MICAL2: variants seen among roughly 807,000 people sequenced by gnomAD.
MICAL2 encodes [F-actin]-monooxygenase MICAL2.
A neutral mutation model predicts 127.3 loss-of-function variants in MICAL2; 77 were observed. That is an observed-to-expected ratio of 0.60 (90% confidence interval 0.50 to 0.73). The LOEUF (loss-of-function observed/expected upper bound fraction) is 0.73, where lower values mean the gene tolerates loss of function less well. Ranked by LOEUF, MICAL2 falls within the 30% of genes least tolerant of loss-of-function variation. MICAL2 has a pLI of 0.00. For missense variants in MICAL2, 1,351 were observed against 1,434.4 expected (o/e 0.94, Z 0.94); for synonymous variants, 570 against 551.1 (o/e 1.03, Z -0.48).
chr11:12,280,422 G>A (rs773414242), intron 1 of MICAL2, among the ~76,000 whole-genome samples: 1 of 152,214 alleles, frequency 6.6e-6, no homozygotes, highest in Non-Finnish European at 1.5e-5. Context: ...CACAGACTGG[G>A]TGGCTGAAAC....
chr11:12,238,835 C>A (rs927762118), intron 16 of MICAL2, among the ~76,000 whole-genome samples: 1 of 152,152 alleles, frequency 6.6e-6, no homozygotes, highest in Non-Finnish European at 1.5e-5. Context: ...ATCTTTGCAA[C>A]TTTTGTGTAA....
chr11:12,204,988 T>C (rs1321939155), intron 4 of MICAL2, among the ~76,000 whole-genome samples: 1 of 152,132 alleles, frequency 6.6e-6, no homozygotes, highest in East Asian at 1.9e-4. Flanking sequence ...TGGGGAGCCA[T>C]GGCAGGTTTT....
intron 7 of MICAL2, among the ~76,000 whole-genome samples, chr11:12,215,553 G>A (rs888938882): frequency 5.9e-5 from 9 of 152,220 alleles, no homozygotes; most frequent in African/African-American, 2.2e-4. Context: ...TGCATTGCTA[G>A]TATGTCCTCA....
At chr11:12,262,352 T>G in intron 26 of MICAL2, 128 bp from the exon 27 acceptor site, 1 of 1,540,750 alleles carries the variant, frequency 6.5e-7, no homozygotes, top group Non-Finnish European at 8.7e-7. Flanking sequence ...GAAGTTTCCC[T>G]CTTTCAATCG....
At chr11:12,322,689 C>T (rs943623347) in intron 30 of MICAL2, among the ~76,000 whole-genome samples, 2 of 152,056 alleles carry the variant, frequency 1.3e-5, no homozygotes, top group African/African-American at 2.4e-5. Context: ...CCAATTTGAA[C>T]ATTTATTTTG....
chr11:12,154,320 C>T (rs1438846555), intron 2 of MICAL2, among the ~76,000 whole-genome samples: 1 of 152,108 alleles, frequency 6.6e-6, no homozygotes, highest in Non-Finnish European at 1.5e-5. Flanking sequence ...CTGAGTTCCA[C>T]CAAGACCTGA....
chr11:12,205,962 A>G (rs910249081), intron 4 of MICAL2, among the ~76,000 whole-genome samples: 19 of 152,188 alleles, frequency 1.2e-4, no homozygotes, highest in African/African-American at 4.6e-4. Flanking sequence ...GGCGGGAACA[A>G]CTGGAGAGAA....
chr11:12,250,467 C>T (rs1324965388), intron 22 of MICAL2, among the ~76,000 whole-genome samples: 1 of 152,172 alleles, frequency 6.6e-6, no homozygotes, highest in East Asian at 1.9e-4. Flanking sequence ...TTTCCTCAGC[C>T]CTGCAAGGTT....
intron 25 of MICAL2, among the ~76,000 whole-genome samples, chr11:12,259,210 G>T (rs539728922): frequency 7.9e-5 from 12 of 152,294 alleles, no homozygotes; most frequent in African/African-American, 1.9e-4. Flanking sequence ...TGAGAAAACC[G>T]CAGTTGACAT....
intron 3 of MICAL2, among the ~76,000 whole-genome samples, chr11:12,200,570 T>C (rs570245763): frequency 1.7e-4 from 26 of 152,348 alleles, no homozygotes; most frequent in African/African-American, 6.0e-4. Context: ...ACAAGCCATC[T>C]CTCTGGCCTT....
chr11:12,261,352 T>C (rs1244335310), intron 26 of MICAL2: 9 of 985,510 alleles, frequency 9.1e-6, no homozygotes, highest in Non-Finnish European at 1.1e-5. Context: ...GAGTGGAAGC[T>C]ATTTATGGAC....
At position 12,354,636 on chromosome 11, in the gene MICAL2, T is replaced by C. The variant is rs146987312; in HGVS notation, c.5616-148T>C. 68 of 650,024 alleles carry C rather than the reference T, an allele frequency of 1.0e-4. No individual in the cohort carries two copies. The African/African-American group carries it at 1.2e-3, about 11-fold the overall frequency. 40.3% of individuals were successfully genotyped at this position (650,024 alleles called of 1,614,324 possible). A position where few individuals can be genotyped will look rare whatever the true frequency, so the allele number is the denominator to read the frequency against. The stretch of plus-strand genomic sequence containing the variant: ...CGACAAAGACTCGGTCTCAGAAAAA[T>C]AATAATTACAATAAAAAATAAAGAT... On this transcript the variant is annotated intron_variant, in intron 33 of 34. Coordinates refer to the MICAL2 transcript ENST00000646065.
At chr11:12,180,881 C>T (rs531614219) in intron 3 of MICAL2, among the ~76,000 whole-genome samples, 2 of 149,744 alleles carry the variant, frequency 1.3e-5, no homozygotes, top group African/African-American at 4.9e-5. Context: ...GATAAGGATA[C>T]AGAGAGGGCT....
At chr11:12,258,610 T>C in intron 25 of MICAL2, 54 bp downstream of exon 25, 2 of 1,526,658 alleles carry the variant, frequency 1.3e-6, no homozygotes, top group Non-Finnish European at 1.8e-6. Flanking sequence ...TGATAAGGGT[T>C]TCCAGTGATC....
intron 1 of MICAL2, among the ~76,000 whole-genome samples, chr11:12,126,999 A>G (rs1850978807): frequency 1.3e-5 from 2 of 152,178 alleles, no homozygotes; most frequent in Non-Finnish European, 2.9e-5. Flanking sequence ...GCCAAGAGAA[A>G]TGGGGAATTG....
Position 12,239,433 on chromosome 11 carries a change from C to A in MICAL2, c.2065-3C>A. The A allele has an allele frequency of 6.2e-7, 1 of 1,614,010 alleles. No homozygotes were observed. Among genetic ancestry groups the A allele is most frequent in the Non-Finnish European group, 8.5e-7 (1 of 1,180,028 alleles). On this transcript the variant is annotated splice_region_variant and splice_polypyrimidine_tract_variant and intron_variant, in intron 16 of 27. Coordinates refer to ENST00000683283, the MANE Select transcript of MICAL2 (RefSeq NM_001282663.2). ...CATCAGTGTCCCGTTTCAACCTTTG[C>A]AGCCTTCAAACTTTTCCAGCCGTAG...
chr11:12,224,784 T>C lies in MICAL2; in HGVS notation c.1652T>C (p.Leu551Pro). Residue 551 changes from leucine to proline, a missense_variant, in exon 13 of 28, where the codon CTG becomes CCG. Transcript: ENST00000683283. Reference protein sequence around the residue: ...LTTSWRSGLALCAIIHRFRPE... With the variant: ...LTTSWRSGLAPCAIIHRFRPE... ...ACATCCTGGCGCAGTGGGTTGGCCC[T>C]GTGTGCCATCATCCACCGCTTCCGG... 6 of 1,613,830 alleles carry C rather than the reference T, an allele frequency of 3.7e-6. No individual in the cohort carries two copies. Among genetic ancestry groups the C allele is most frequent in the Non-Finnish European group, 5.1e-6 (6 of 1,179,718 alleles).
At chr11:12,270,591 G>A (rs1356059596) in intron 24 of MICAL2, among the ~76,000 whole-genome samples, 2 of 152,156 alleles carry the variant, frequency 1.3e-5, no homozygotes, top group Non-Finnish European at 2.9e-5. Context: ...AGCTCTTCCG[G>A]CACCATTGCA....
At chr11:12,139,684 AG>A (rs1001320276) in intron 2 of MICAL2, among the ~76,000 whole-genome samples, 1 of 152,114 alleles carries the variant, frequency 6.6e-6, no homozygotes, top group African/African-American at 2.4e-5. Context: ...CCAGGCAAAG[AG>A]CTGATTGGCC....
Sources: gnomAD v4.1 joint callset for allele counts (sites outside exome capture counted in the v4.1 genomes callset) on GRCh38, gnomAD v4.1.1 for gene constraint, MANE v1.5 for transcripts, NCBI Gene and HGNC (gene_info 2026-07-23, HGNC 2026-07-21) for gene names.